The following KCNIP3 variants were observed in gnomAD, a reference collection of about 807,000 sequenced individuals.
The protein encoded by KCNIP3 is potassium voltage-gated channel interacting protein 3.
Under a neutral mutation model 35.0 loss-of-function variants are expected in KCNIP3, and 28 were observed. That is an observed-to-expected ratio of 0.80 (90% confidence interval 0.59 to 1.10). The LOEUF is 1.10. Ranked by LOEUF, KCNIP3 falls within the 50% of genes least tolerant of loss-of-function variation. The pLI is 0.00. For missense variants in KCNIP3, 295 were observed against 338.4 expected, an observed-to-expected ratio of 0.87 and a Z score of 1.01; for synonymous variants, 134 against 133.8, an observed-to-expected ratio of 1.00 and a Z score of -0.01.
rs138710939 is a variant in KCNIP3 at position 95,379,015 on chromosome 2, A to T, written c.448-2581A>T. On this transcript the variant is annotated intron_variant, in intron 5 of 8. Coordinates refer to ENST00000295225, the MANE Select transcript of KCNIP3 (RefSeq NM_013434.5). The stretch of plus-strand genomic sequence containing the variant: ...GACCACCACCTTGTCTGCTGTAGCC[A>T]GTCACCTGTGCTTGTTTCCATGTCC... Among the ~76,000 whole-genome samples, 611 of 152,154 alleles carry T rather than the reference A, an allele frequency of 4.0e-3. 10 individuals are homozygous for T. Among genetic ancestry groups the T allele is most frequent in the African/African-American group, 0.014 (586 of 41,516 alleles).
intron 2 of KCNIP3, among the ~76,000 whole-genome samples, chr2:95,373,148 G>A (rs2104298165): frequency 6.6e-6 from 1 of 152,304 alleles, no homozygotes; most frequent in Non-Finnish European, 1.5e-5. Context: ...GTGGCCCAGG[G>A]GAGACAGGGC....
At chr2:95,347,590 G>A (rs2104267767) in intron 2 of KCNIP3, among the ~76,000 whole-genome samples, 1 of 152,310 alleles carries the variant, frequency 6.6e-6, no homozygotes, top group South Asian at 2.1e-4. Context: ...CCCAAGCAAG[G>A]TTCAAGCCCA....
intron 2 of KCNIP3, among the ~76,000 whole-genome samples, chr2:95,369,932 T>C (rs1680004202): frequency 6.6e-6 from 1 of 152,236 alleles, no homozygotes; most frequent in African/African-American, 2.4e-5. Context: ...ATCCAGTGAA[T>C]TTTTAATTTT....
intron 2 of KCNIP3, among the ~76,000 whole-genome samples, chr2:95,326,120 C>T (rs183083852): frequency 1.4e-4 from 21 of 152,018 alleles, no homozygotes; most frequent in South Asian, 2.1e-4. Flanking sequence ...TACACATACA[C>T]GCACACTTAT....
intron 2 of KCNIP3, among the ~76,000 whole-genome samples, chr2:95,315,483 G>C (rs1399582413): frequency 2.0e-5 from 3 of 152,108 alleles, no homozygotes; most frequent in Non-Finnish European, 4.4e-5. Context: ...CACTCCGGGT[G>C]GTTCCTCCCC....
chr2:95,360,957 T>G (rs531034284), intron 2 of KCNIP3, among the ~76,000 whole-genome samples: 2 of 152,134 alleles, frequency 1.3e-5, no homozygotes, highest in African/African-American at 4.8e-5. Flanking sequence ...AATGGAGACT[T>G]TGATGGGGAG....
chr2:95,334,211 G>A (rs1447088181), intron 2 of KCNIP3, among the ~76,000 whole-genome samples: 1 of 152,234 alleles, frequency 6.6e-6, no homozygotes, highest in African/African-American at 2.4e-5. Context: ...GGCCGGCCGT[G>A]CTTCCTGCAT....
At chr2:95,321,346 G>A (rs184015306) in intron 2 of KCNIP3, among the ~76,000 whole-genome samples, 3 of 152,308 alleles carry the variant, frequency 2.0e-5, no homozygotes, top group East Asian at 1.9e-4. Context: ...TGGAGTTCAC[G>A]TCAAGAGAGC....
chr2:95,344,274 T>G (rs150727078), intron 2 of KCNIP3, among the ~76,000 whole-genome samples: 153 of 129,690 alleles, frequency 1.2e-3, no homozygotes, highest in African/African-American at 1.8e-3. Flanking sequence ...GGTGGCGGGG[T>G]GGGGGGGGGC....
chr2:95,326,385 T>C lies in KCNIP3; in HGVS notation c.181+15865T>C, dbSNP rs187687524. ...ACCCCAGTACACACTCACACTCACATACACATACATGCACACACACGTTCA... is the reference window on the plus strand; with the variant it reads ...ACCCCAGTACACACTCACACTCACACACACATACATGCACACACACGTTCA... On this transcript the variant is annotated intron_variant, in intron 2 of 8. Transcript: ENST00000295225. Among the ~76,000 whole-genome samples the C allele has an allele frequency of 1.2e-3, 185 of 152,194 alleles. 2 individuals carry two copies. The highest frequency in any genetic ancestry group is 0.01 in the Middle Eastern group (3 of 294).
intron 2 of KCNIP3, 45 bp from the exon 3 acceptor site, chr2:95,374,251 G>A (rs1680115136): frequency 6.3e-7 from 1 of 1,596,176 alleles, no homozygotes; most frequent in Non-Finnish European, 8.5e-7. Flanking sequence ...AGATGGAGGA[G>A]CAGGGCTACA....
At chr2:95,342,207 A>G (rs1272667567) in intron 2 of KCNIP3, among the ~76,000 whole-genome samples, 3 of 152,188 alleles carry the variant, frequency 2.0e-5, no homozygotes, top group Non-Finnish European at 4.4e-5. Flanking sequence ...GCAAGGTTGA[A>G]TTGAAATCAC....
intron 2 of KCNIP3, among the ~76,000 whole-genome samples, chr2:95,363,893 A>T (rs554311116): frequency 1.3e-5 from 2 of 152,300 alleles, no homozygotes; most frequent in African/African-American, 4.8e-5. Context: ...GATTAATCTT[A>T]TATCTGGCAA....
At chr2:95,306,457 G>A (rs1386496435) in intron 1 of KCNIP3, among the ~76,000 whole-genome samples, 1 of 152,208 alleles carries the variant, frequency 6.6e-6, no homozygotes, top group Non-Finnish European at 1.5e-5. Context: ...GCGCTAAAGG[G>A]GAGAGACAGA....
chr2:95,346,073 A>G (rs1679348664), intron 2 of KCNIP3, among the ~76,000 whole-genome samples: 2 of 152,216 alleles, frequency 1.3e-5, no homozygotes, highest in Non-Finnish European at 2.9e-5. Context: ...CTTTCCCTAA[A>G]GCCCCGAGTG....
At chr2:95,324,620 A>T (rs561822689) in intron 2 of KCNIP3, among the ~76,000 whole-genome samples, 4 of 151,972 alleles carry the variant, frequency 2.6e-5, no homozygotes, top group African/African-American at 7.2e-5. Flanking sequence ...AATAAAAAAA[A>T]TGACAGTTTT....
At chr2:95,366,677 C>G (rs558463050) in intron 2 of KCNIP3, among the ~76,000 whole-genome samples, 345 of 152,278 alleles carry the variant, frequency 2.3e-3, no homozygotes, top group Non-Finnish European at 3.7e-3. Flanking sequence ...TGCATCCCCC[C>G]ACTGCAAGCG....
chr2:95,310,177 C>T, intron 1 of KCNIP3, 178 bp from the exon 2 acceptor site: 3 of 748,786 alleles, frequency 4.0e-6, no homozygotes, highest in Non-Finnish European at 7.1e-6. Context: ...GTGAAAGGAA[C>T]CTCCCCAGGT....
rs953577568 is a variant in KCNIP3, at chr2:95,378,140, T to C, written c.447+2932T>C. Reference sequence around the variant, plus strand: ...AATGTTTCTCCTTGTTTTTTAATTTTTATTTTTTTTGTTTTATTTTTAGAC... The same window carrying C: ...AATGTTTCTCCTTGTTTTTTAATTTCTATTTTTTTTGTTTTATTTTTAGAC... On this transcript the variant is annotated intron_variant, in intron 5 of 8. Transcript: ENST00000295225. The surrounding 1 kb of genome is among the most constrained non-coding windows in gnomAD (Gnocchi z 4.0). 1.3e-5 allele frequency among the ~76,000 whole-genome samples: 2 copies of C among 152,162 alleles called. No individual in the cohort carries two copies. The highest frequency in any genetic ancestry group is 1.3e-4 in the Admixed American group (2 of 15,278).
Sources: allele counts gnomAD v4.1 joint callset (sites outside exome capture counted in the v4.1 genomes callset), GRCh38; gene constraint gnomAD v4.1.1; non-coding constraint Gnocchi (gnomAD v3.1); transcripts MANE v1.5; gene names NCBI Gene and HGNC (gene_info 2026-07-23, HGNC 2026-07-21).